DEPTOR: variants seen among roughly 807,000 people sequenced by gnomAD.
The protein encoded by DEPTOR is DEP domain-containing mTOR-interacting protein.
DEPTOR carries 41 observed loss-of-function variants against 41.6 expected under a neutral mutation model. The ratio of observed to expected loss-of-function variants is 0.98; its 90% CI spans 0.77 to 1.28. DEPTOR has a LOEUF of 1.28. Among genes scored for constraint, DEPTOR ranks in the 50% most tolerant of loss-of-function variants. The pLI, the probability that DEPTOR is intolerant of heterozygous loss-of-function variation, is 0.00. For missense variants in DEPTOR, 514 were observed against 527.9 expected (o/e 0.97, Z 0.26); for synonymous variants, 195 against 192.3 (o/e 1.01, Z -0.12).
chr8:119,929,244 T>C (rs761711581), intron 2 of DEPTOR, among the ~76,000 whole-genome samples: 7 of 152,180 alleles, frequency 4.6e-5, no homozygotes, highest in Non-Finnish European at 8.8e-5. Context: ...ATCGTTCTCT[T>C]GGAATACCCT....
intron 1 of DEPTOR, chr8:119,874,302 C>G (rs1563953231): frequency 5.6e-6 from 2 of 354,950 alleles, no homozygotes; most frequent in South Asian, 6.7e-5. Context: ...CGCCGCCAGG[C>G]CTCCCGGCTG....
chr8:120,009,038 G>A lies in DEPTOR; in HGVS notation c.1006G>A (p.Asp336Asn). Residue 336 changes from aspartate (D) to asparagine (N), a missense_variant, in exon 8 of 9, where the codon GAC becomes AAC. Coordinates refer to ENST00000286234, the MANE Select transcript of DEPTOR (RefSeq NM_022783.4). ...YARKTFTIVG[D>N]AVGWGFVVRG... The stretch of plus-strand genomic sequence containing the variant: ...TGGTTTTCCTCTCTAGATTGTTGGT[G>A]ACGCGGTTGGCTGGGGTTTTGTGGT... 1.2e-6 allele frequency: 2 copies of A among 1,614,054 alleles called. No individual in the cohort carries two copies. Among genetic ancestry groups the A allele is most frequent in the Non-Finnish European group, 1.7e-6 (2 of 1,180,020 alleles).
chr8:119,977,101 A>G (rs920042865), intron 4 of DEPTOR, among the ~76,000 whole-genome samples: 1 of 152,096 alleles, frequency 6.6e-6, no homozygotes, highest in African/African-American at 2.4e-5. Context: ...CCCGGGTTGT[A>G]GCGATTCTCC....
At chr8:120,029,280 C>T (rs1029460060) in intron 8 of DEPTOR, among the ~76,000 whole-genome samples, 4 of 152,032 alleles carry the variant, frequency 2.6e-5, no homozygotes, top group African/African-American at 9.7e-5. Context: ...CTTTGGGCAA[C>T]GGACATTTTT....
intron 4 of DEPTOR, among the ~76,000 whole-genome samples, chr8:119,995,448 TG>T (rs1280721037): frequency 6.6e-6 from 1 of 151,872 alleles, no homozygotes; most frequent in Non-Finnish European, 1.5e-5. Context: ...TAGCCAGGCC[TG>T]GTGGTAGGTG....
rs571154096 is a variant in DEPTOR, at chr8:120,017,723, C to T, written c.1101+8590C>T. On this transcript the variant is annotated intron_variant, in intron 8 of 8. Coordinates refer to ENST00000286234, the MANE Select transcript of DEPTOR (RefSeq NM_022783.4). The stretch of plus-strand genomic sequence containing the variant: ...CCTTCAAGCTCTGAAGGAATTTGAG[C>T]CCTACTTACAAATCAGGAACAAAAG... 7.2e-5 allele frequency among the ~76,000 whole-genome samples: 11 copies of T among 152,276 alleles called. No individual in the cohort carries two copies. In the South Asian group the frequency reaches 2.3e-3, roughly 32 times the overall value.
chr8:120,002,676 G>C (rs1248217021), intron 5 of DEPTOR, among the ~76,000 whole-genome samples: 1 of 148,656 alleles, frequency 6.7e-6, no homozygotes, highest in Admixed American at 6.8e-5. Context: ...TACTCAGGAG[G>C]CTGAGGCAAG....
chr8:119,889,547 A>G (rs1827419093), intron 1 of DEPTOR, among the ~76,000 whole-genome samples: 1 of 129,630 alleles, frequency 7.7e-6, no homozygotes. Flanking sequence ...AGCTTGTCTC[A>G]GAAAGGAAAA....
intron 8 of DEPTOR, among the ~76,000 whole-genome samples, chr8:120,034,213 A>C (rs1255334872): frequency 1.3e-5 from 2 of 151,542 alleles, no homozygotes; most frequent in African/African-American, 4.9e-5. Flanking sequence ...TTTTCCCACC[A>C]AAACACTACG....
At chr8:119,969,507 A>G (rs1344888029) in intron 4 of DEPTOR, among the ~76,000 whole-genome samples, 1 of 152,002 alleles carries the variant, frequency 6.6e-6, no homozygotes, top group Non-Finnish European at 1.5e-5. Flanking sequence ...GGCATGTGCC[A>G]CCATGCTTGG....
At chr8:119,946,675 G>T (rs1047468103) in intron 3 of DEPTOR, among the ~76,000 whole-genome samples, 15 of 151,864 alleles carry the variant, frequency 9.9e-5, no homozygotes, top group Non-Finnish European at 2.2e-4. Flanking sequence ...TGGAGGTTGC[G>T]GTGAGCCGAG....
chr8:119,907,796 G>A (rs1827683618), intron 1 of DEPTOR, among the ~76,000 whole-genome samples: 1 of 151,946 alleles, frequency 6.6e-6, no homozygotes, highest in African/African-American at 2.4e-5. Context: ...AAAAAAAAAG[G>A]GAAGAAAATA....
intron 1 of DEPTOR, among the ~76,000 whole-genome samples, chr8:119,895,712 C>T (rs1409091822): frequency 6.6e-6 from 1 of 152,168 alleles, no homozygotes; most frequent in South Asian, 2.1e-4. Context: ...AGGTCACATC[C>T]ACCAATTCCT....
intron 1 of DEPTOR, among the ~76,000 whole-genome samples, chr8:119,918,208 G>A (rs910843182): frequency 7.3e-5 from 11 of 151,258 alleles, no homozygotes; most frequent in African/African-American, 1.5e-4. Flanking sequence ...CAAGTCTCTC[G>A]TTCCACCTAA....
intron 3 of DEPTOR, among the ~76,000 whole-genome samples, chr8:119,933,717 G>T (rs771482403): frequency 6.6e-6 from 1 of 152,096 alleles, no homozygotes; most frequent in Non-Finnish European, 1.5e-5. Context: ...TGGGGCTGCT[G>T]CTGTCTCAGC....
At chr8:119,994,029 G>T (rs1458690064) in intron 4 of DEPTOR, among the ~76,000 whole-genome samples, 2 of 151,878 alleles carry the variant, frequency 1.3e-5, no homozygotes, top group Non-Finnish European at 2.9e-5. Context: ...GGTGGCAGGT[G>T]CCTGTAATCC....
intron 1 of DEPTOR, among the ~76,000 whole-genome samples, chr8:119,925,354 C>T (rs945199578): frequency 6.6e-5 from 10 of 152,048 alleles, no homozygotes; most frequent in African/African-American, 2.4e-4. Flanking sequence ...TGCACCACTG[C>T]ACTCCAGCCT....
At chr8:119,994,869 C>T (rs1323120282) in intron 4 of DEPTOR, among the ~76,000 whole-genome samples, 1 of 145,450 alleles carries the variant, frequency 6.9e-6, no homozygotes, top group African/African-American at 2.6e-5. Flanking sequence ...GTGAGCCGAG[C>T]TTGCACCAAT....
intron 4 of DEPTOR, among the ~76,000 whole-genome samples, chr8:119,993,936 T>G (rs1031174170): frequency 2.0e-5 from 3 of 151,850 alleles, no homozygotes; most frequent in African/African-American, 7.3e-5. Context: ...GCAGGTAGAT[T>G]ACCTGAGGTC....
Sources: allele counts gnomAD v4.1 joint callset (sites outside exome capture counted in the v4.1 genomes callset), GRCh38; gene constraint gnomAD v4.1.1; transcripts MANE v1.5; gene names NCBI Gene and HGNC (gene_info 2026-07-23, HGNC 2026-07-21).